PGAP1: variants seen among roughly 807,000 people sequenced by gnomAD.
PGAP1 encodes GPI inositol-deacylase.
A neutral mutation model predicts 127.0 loss-of-function variants in PGAP1; 76 were observed. The ratio of observed to expected loss-of-function variants is 0.60; its 90% confidence interval spans 0.50 to 0.72. The LOEUF (loss-of-function observed/expected upper bound fraction) is 0.72, where lower values mean the gene tolerates loss of function less well. Ranked by LOEUF, PGAP1 falls within the 30% of genes least tolerant of loss-of-function variation. PGAP1 has a pLI of 0.00. For synonymous variants in PGAP1, 362 were observed against 366.5 expected, an observed-to-expected ratio of 0.99 and a Z score of 0.14; for missense variants, 982 against 1,071.3, an observed-to-expected ratio of 0.92 and a Z score of 1.16.
chr2:196,875,019 C>A (rs1701521489), intron 14 of PGAP1, among the ~76,000 whole-genome samples: 1 of 152,022 alleles, frequency 6.6e-6, no homozygotes, highest in Admixed American at 6.6e-5. Context: ...CTGTTCCCCA[C>A]TCGCCCCACA....
intron 14 of PGAP1, among the ~76,000 whole-genome samples, chr2:196,875,119 A>C (rs1240921197): frequency 1.3e-5 from 2 of 152,232 alleles, no homozygotes; most frequent in Non-Finnish European, 2.9e-5. Context: ...AAAGACAAGG[A>C]AAGACTGAGG....
At chr2:196,888,925 G>T (rs1702006933) in intron 10 of PGAP1, among the ~76,000 whole-genome samples, 1 of 152,090 alleles carries the variant, frequency 6.6e-6, no homozygotes. Context: ...ATAAATAAAT[G>T]ATTTAAGAAT....
Position 196,890,848 on chromosome 2 carries a change from A to G in PGAP1, c.1153T>C (p.Tyr385His). ...CTTACCAGCATAGTGCTCTGACAAT[A>G]GACATGAGTGTAGATTTTTCTATGA... Reference protein sequence around the residue: ...ENHRKIYTHVYCQSTMLDTNS... With the variant: ...ENHRKIYTHVHCQSTMLDTNS... Residue 385 changes from tyrosine to histidine, a missense_variant, in exon 10 of 27, where the codon TAT (tyrosine) becomes CAT (histidine). Coordinates refer to ENST00000354764, the MANE Select transcript of PGAP1 (RefSeq NM_024989.4). 6.5e-7 allele frequency: 1 copy of G among 1,540,090 alleles called. No individual in the cohort carries two copies. Among genetic ancestry groups the G allele is most frequent in the Non-Finnish European group, 9.0e-7 (1 of 1,113,226 alleles).
intron 19 of PGAP1, among the ~76,000 whole-genome samples, chr2:196,867,999 C>T (rs572145024): frequency 2.6e-4 from 40 of 152,264 alleles, no homozygotes; most frequent in African/African-American, 9.1e-4. Flanking sequence ...CTCTACTTAT[C>T]GAGAGTTAAG....
intron 20 of PGAP1, among the ~76,000 whole-genome samples, chr2:196,851,706 C>T (rs1700727184): frequency 6.6e-6 from 1 of 152,102 alleles, no homozygotes; most frequent in Admixed American, 6.6e-5. Flanking sequence ...TCTGCTTCCA[C>T]GGCACACCTT....
chr2:196,885,278 T>C (rs1347328916), intron 12 of PGAP1, 146 bp downstream of exon 12: 2 of 525,558 alleles, frequency 3.8e-6, no homozygotes, highest in African/African-American at 1.9e-5. Flanking sequence ...AATGTATTTC[T>C]AGAGAAAATA....
intron 24 of PGAP1, 64 bp downstream of exon 24, chr2:196,844,460 A>AG (rs397987219): frequency 4.3e-6 from 5 of 1,166,818 alleles, no homozygotes; most frequent in Non-Finnish European, 6.1e-6. Flanking sequence ...AAAAAAAAAA[A>AG]CTCTTATATT....
chr2:196,834,408 A>C lies in PGAP1; in HGVS notation c.*6826T>G, dbSNP rs1215996131. On this transcript the variant is annotated 3_prime_UTR_variant, in exon 27 of 27. Coordinates refer to ENST00000354764, the MANE Select transcript of PGAP1 (RefSeq NM_024989.4). ...GGGCCAATTTGAGAGGACCACCCAT[A>C]ATAAAATGTACAGTTATAAAATTGC... 1 of 152,438 alleles carries C rather than the reference A, an allele frequency of 6.6e-6. No individual in the cohort carries two copies. The highest frequency in any genetic ancestry group is 1.9e-4 in the East Asian group (1 of 5,202). The allele number at this position is 152,438 out of a possible 1,614,324, so 9.4% of individuals were successfully genotyped here.
At chr2:196,885,902 C>A in intron 10 of PGAP1, 22 bp from the exon 11 acceptor site, 1 of 1,365,636 alleles carries the variant, frequency 7.3e-7, no homozygotes, top group Non-Finnish European at 9.5e-7. Flanking sequence ...CAGCACAAAA[C>A]AAAACACACT....
At position 196,875,743 on chromosome 2, in the gene PGAP1, T is replaced by TA; in HGVS notation, c.1426+2dup. 1 of 1,517,812 alleles carries TA rather than the reference T, an allele frequency of 6.6e-7. No homozygotes were observed. The highest frequency in any genetic ancestry group is 9.1e-7 in the Non-Finnish European group (1 of 1,098,374). The allele number at this position is 1,517,812 out of a possible 1,614,324, so 94.0% of individuals were successfully genotyped here. Reference sequence around the variant, plus strand: ...TTATGCTTTCCAAAAACAAAGTACTTACCAAAGGAAAAAAGATGAGTTACA... The same window carrying TA: ...TTATGCTTTCCAAAAACAAAGTACTTAACCAAAGGAAAAAAGATGAGTTACA... On this transcript the variant is annotated splice_region_variant and intron_variant, in intron 14 of 26. Transcript: ENST00000354764.
At position 196,873,007 on chromosome 2, in the gene PGAP1, A is replaced by T. The variant is rs869025578; in HGVS notation, c.1572T>A (p.Tyr524Ter). Residue 524 changes from tyrosine to a stop codon, truncating the protein, a stop_gained, in exon 17 of 27, where the codon TAT (tyrosine) becomes TAA (stop). Transcript: ENST00000354764. LOFTEE classifies it high-confidence loss of function. ...CATAAGACCAAGGAATATGAAGTCTATAGATACTGGTTATTTCTTCTGTTA... is the reference window on the plus strand; with the variant it reads ...CATAAGACCAAGGAATATGAAGTCTTTAGATACTGGTTATTTCTTCTGTTA... ...SAVKEEITSI[Y>*]RLHIPWSYED... The T allele has an allele frequency of 1.0e-6, 1 of 978,164 alleles. No homozygotes were observed. The highest frequency in any genetic ancestry group is 1.5e-6 in the Non-Finnish European group (1 of 645,522). 60.6% of individuals were successfully genotyped at this position (978,164 alleles called of 1,614,324 possible). A position where few individuals can be genotyped will look rare whatever the true frequency, so the allele number is the denominator to read the frequency against.
intron 6 of PGAP1, among the ~76,000 whole-genome samples, chr2:196,897,863 T>C (rs1447710582): frequency 6.6e-6 from 1 of 151,896 alleles, no homozygotes. Context: ...AAGATGAGAG[T>C]TCCAAGCTTC....
In PGAP1 at chr2:196,926,464, C is replaced by T. The variant is rs775848996; in HGVS notation, c.147+6G>A. 1.2e-6 allele frequency: 2 copies of T among 1,614,064 alleles called. No homozygotes were observed. The highest frequency in any genetic ancestry group is 2.2e-5 in the South Asian group (2 of 91,080). On this transcript the variant is annotated splice_donor_region_variant and intron_variant, in intron 1 of 26. Coordinates refer to ENST00000354764, the MANE Select transcript of PGAP1 (RefSeq NM_024989.4). ...GCGCCCGGCTGAGGAGAGGGCAGAA[C>T]CTTACCTGATACTCCGGGTACTCAA...
rs1453548544 is a variant in PGAP1 at position 196,912,406 on chromosome 2, AG to A, written c.649+475del. Among the ~76,000 whole-genome samples the A allele has an allele frequency of 3.3e-5, 5 of 151,896 alleles. No homozygotes were observed. The East Asian group carries it at 9.7e-4, about 29-fold the overall frequency. On this transcript the variant is annotated intron_variant, in intron 4 of 26. Transcript: ENST00000354764. ...TCCCAGCACTTTGGGAGGCTGAGATAGGCAGATCACTTGAGGTCAGCAGTTC... is the reference window on the plus strand; with the variant it reads ...TCCCAGCACTTTGGGAGGCTGAGATAGCAGATCACTTGAGGTCAGCAGTTC...
chr2:196,841,628 C>G (rs1324835124), intron 26 of PGAP1, among the ~76,000 whole-genome samples: 1 of 152,174 alleles, frequency 6.6e-6, no homozygotes, highest in Non-Finnish European at 1.5e-5. Flanking sequence ...TGCCATTCTC[C>G]TGCCTCAGCC....
chr2:196,902,626 G>C lies in PGAP1; in HGVS notation c.766C>G (p.Leu256Val), dbSNP rs764961233. 1.9e-6 allele frequency: 3 copies of C among 1,613,370 alleles called. No individual in the cohort carries two copies. The highest frequency in any genetic ancestry group is 2.5e-6 in the Non-Finnish European group (3 of 1,179,734). The change falls in exon 5 of 27, where the codon CTA becomes GTA. Residue 256 changes from leucine to valine, a missense_variant. Physicochemically the swap from Leu to Val is conservative, Grantham distance 32. Coordinates refer to ENST00000354764, the MANE Select transcript of PGAP1 (RefSeq NM_024989.4). ...DYQVRSGLTFLPKLSHHTSAL... is the reference protein window; with the variant it reads ...DYQVRSGLTFVPKLSHHTSAL... ...CTGGTATGATGGCTTAATTTTGGTA[G>C]AAAAGTCAATCCTGAACGAACTTGG...
chr2:196,849,949 T>C (rs1277901516), intron 20 of PGAP1, among the ~76,000 whole-genome samples: 5 of 152,210 alleles, frequency 3.3e-5, no homozygotes, highest in Non-Finnish European at 5.9e-5. Flanking sequence ...CCCTCACTTT[T>C]TCCTGAATTC....
chr2:196,871,417 G>A (rs1406151207), intron 18 of PGAP1, among the ~76,000 whole-genome samples: 1 of 152,048 alleles, frequency 6.6e-6, no homozygotes, highest in Non-Finnish European at 1.5e-5. Context: ...TTTTAGGGAA[G>A]TTTAAAATGA....
intron 5 of PGAP1, among the ~76,000 whole-genome samples, chr2:196,898,722 T>C (rs1227523792): frequency 6.6e-6 from 1 of 152,196 alleles, no homozygotes; most frequent in African/African-American, 2.4e-5. Flanking sequence ...TCACAGTTAA[T>C]GTATAAGTTA....
Sources: gnomAD v4.1 joint callset for allele counts (sites outside exome capture counted in the v4.1 genomes callset) on GRCh38, gnomAD v4.1.1 for gene constraint, MANE v1.5 for transcripts, NCBI Gene and HGNC (gene_info 2026-07-23, HGNC 2026-07-21) for gene names.